AGBL4: variants seen among roughly 807,000 people sequenced by gnomAD.
AGBL4 encodes the protein cytosolic carboxypeptidase 6.
AGBL4 carries 58 observed loss-of-function variants against 66.4 expected under a neutral mutation model. The observed-to-expected ratio is 0.87, with a 90% CI of 0.71 to 1.09. AGBL4 has a LOEUF of 1.09. Ranked by LOEUF, AGBL4 falls within the 50% of genes least tolerant of loss-of-function variation. The probability of loss-of-function intolerance (pLI) is 0.00; values close to 1 mark genes in which losing one functional copy is unlikely to be tolerated. For missense variants in AGBL4, 579 were observed against 631.0 expected, an observed-to-expected ratio of 0.92 and a Z score of 0.88; for synonymous variants, 234 against 222.9, an observed-to-expected ratio of 1.05 and a Z score of -0.44.
intron 2 of AGBL4, among the ~76,000 whole-genome samples, chr1:49,849,517 A>G (rs1406511079): frequency 6.6e-6 from 1 of 151,324 alleles, no homozygotes; most frequent in African/African-American, 2.4e-5. Context: ...ACATACATAC[A>G]TTAAGATGGA....
intron 6 of AGBL4, among the ~76,000 whole-genome samples, chr1:48,793,204 A>T (rs1182298243): frequency 1.3e-5 from 2 of 152,168 alleles, no homozygotes; most frequent in Non-Finnish European, 2.9e-5. Flanking sequence ...ATGATCTATA[A>T]ACAAATGCTT....
intron 4 of AGBL4, among the ~76,000 whole-genome samples, chr1:49,216,381 A>C (rs1260905379): frequency 6.6e-6 from 1 of 150,922 alleles, no homozygotes; most frequent in Admixed American, 6.6e-5. Context: ...TAGTACCCAA[A>C]AGTTAGTTTT....
intron 8 of AGBL4, among the ~76,000 whole-genome samples, chr1:48,647,783 G>A (rs181122630): frequency 6.6e-6 from 1 of 152,334 alleles, no homozygotes; most frequent in Non-Finnish European, 1.5e-5. Context: ...AGCTGGCAGA[G>A]AGAGTGTGCA....
At chr1:48,658,843 ATG>A (rs5774012) in intron 7 of AGBL4, among the ~76,000 whole-genome samples, 24,571 of 149,400 alleles carry the variant, frequency 0.16, 2,916 homozygotes, top group African/African-American at 0.34. Flanking sequence ...TGGTGTGTGC[ATG>A]TGTGTGTGTG....
At chr1:49,156,255 T>C (rs951829879) in intron 4 of AGBL4, among the ~76,000 whole-genome samples, 3 of 152,082 alleles carry the variant, frequency 2.0e-5, no homozygotes, top group Non-Finnish European at 4.4e-5. Context: ...AAATTCACAA[T>C]CCCCGATGCT....
At chr1:49,027,749 A>G (rs1180211454) in intron 5 of AGBL4, among the ~76,000 whole-genome samples, 20 of 152,200 alleles carry the variant, frequency 1.3e-4, no homozygotes, top group Admixed American at 1.3e-3. Flanking sequence ...TTCCCCCACC[A>G]GACCTTACTC....
intron 3 of AGBL4, among the ~76,000 whole-genome samples, chr1:49,589,312 C>G (rs1304467658): frequency 6.6e-6 from 1 of 151,994 alleles, no homozygotes; most frequent in African/African-American, 2.4e-5. Flanking sequence ...AAACTCAAAC[C>G]ATAACTGGAG....
chr1:49,110,616 T>C (rs988894507), intron 4 of AGBL4, among the ~76,000 whole-genome samples: 1 of 152,110 alleles, frequency 6.6e-6, no homozygotes. Flanking sequence ...ATCCCCTGCC[T>C]CTCACTTGCT....
At chr1:49,260,067 T>C (rs1291156065) in intron 3 of AGBL4, among the ~76,000 whole-genome samples, 10 of 150,102 alleles carry the variant, frequency 6.7e-5, no homozygotes, top group Admixed American at 1.3e-4. Context: ...ACTGGGTACA[T>C]AACAAAATGA....
chr1:49,895,829 A>T (rs1371863054), intron 1 of AGBL4, among the ~76,000 whole-genome samples: 1 of 152,112 alleles, frequency 6.6e-6, no homozygotes, highest in Non-Finnish European at 1.5e-5. Flanking sequence ...ACCACGAAAC[A>T]ACCAGAAAAC....
intron 3 of AGBL4, among the ~76,000 whole-genome samples, chr1:49,492,927 G>A (rs1383780893): frequency 6.6e-6 from 1 of 151,946 alleles, no homozygotes; most frequent in East Asian, 1.9e-4. Flanking sequence ...TGACTGGGTA[G>A]GCCTCAGGAA....
intron 4 of AGBL4, among the ~76,000 whole-genome samples, chr1:49,191,902 G>A (rs1647127390): frequency 6.6e-6 from 1 of 152,126 alleles, no homozygotes; most frequent in Non-Finnish European, 1.5e-5. Context: ...TTGCTATTGT[G>A]AATAGTGCTG....
chr1:49,311,226 G>A (rs1644936028), intron 3 of AGBL4, among the ~76,000 whole-genome samples: 1 of 151,996 alleles, frequency 6.6e-6, no homozygotes. Flanking sequence ...AGTAAATTGA[G>A]TCTCAATGAT....
At chr1:48,681,577 C>T (rs1318289342) in intron 6 of AGBL4, among the ~76,000 whole-genome samples, 1 of 152,182 alleles carries the variant, frequency 6.6e-6, no homozygotes, top group Non-Finnish European at 1.5e-5. Context: ...GAAGCTCTGC[C>T]AGGAAAAGCC....
rs981307222 is a variant in AGBL4, at chr1:49,261,308, A to G, written c.283-15444T>C. The stretch of plus-strand genomic sequence containing the variant: ...AACATAGTGTTGGAAGTTCTGGCCA[A>G]GGAAATTAGGCAGGAGAAGGAAATA... On this transcript the variant is annotated intron_variant, in intron 3 of 13. Transcript: ENST00000371839. Among the ~76,000 whole-genome samples, 11 of 152,192 alleles carry G rather than the reference A, an allele frequency of 7.2e-5. No homozygotes were observed. In the East Asian group the frequency reaches 1.4e-3, roughly 19 times the overall value.
At chr1:49,948,051 A>AAT in intron 1 of AGBL4, among the ~76,000 whole-genome samples, 1 of 85,276 alleles carries the variant, frequency 1.2e-5, no homozygotes, top group Admixed American at 1.9e-4. Context: ...TAAATATATA[A>AAT]ATATATATAT....
chr1:49,718,007 T>C (rs1182752744), intron 2 of AGBL4, among the ~76,000 whole-genome samples: 3 of 152,064 alleles, frequency 2.0e-5, no homozygotes, highest in Non-Finnish European at 2.9e-5. Flanking sequence ...CATCAAGTGC[T>C]ATTGGGATGG....
chr1:48,680,698 G>T (rs931472604), intron 6 of AGBL4, among the ~76,000 whole-genome samples: 9 of 152,214 alleles, frequency 5.9e-5, no homozygotes, highest in African/African-American at 2.2e-4. Flanking sequence ...GCGGCTCTGG[G>T]GATTTGGCAC....
At chr1:48,739,319 C>A (rs980586536) in intron 6 of AGBL4, among the ~76,000 whole-genome samples, 3 of 152,194 alleles carry the variant, frequency 2.0e-5, no homozygotes, top group Non-Finnish European at 4.4e-5. Flanking sequence ...TGCAGTCTTT[C>A]AACTGTGTTT....
Sources: gnomAD v4.1 joint callset for allele counts (sites outside exome capture counted in the v4.1 genomes callset) on GRCh38, gnomAD v4.1.1 for gene constraint, MANE v1.5 for transcripts, NCBI Gene and HGNC (gene_info 2026-07-23, HGNC 2026-07-21) for gene names.